GLRA1: variants seen among roughly 807,000 people sequenced by gnomAD.
The protein encoded by GLRA1 is glycine receptor alpha 1.
Under a neutral mutation model 48.3 loss-of-function variants are expected in GLRA1, and 37 were observed. That is an observed-to-expected ratio of 0.77 (90% CI 0.59 to 1.01). GLRA1 has a LOEUF of 1.01. Ranked by LOEUF, GLRA1 falls within the 50% of genes least tolerant of loss-of-function variation. GLRA1 has a pLI of 0.00. For missense variants in GLRA1, 427 were observed against 571.0 expected, an observed-to-expected ratio of 0.75 and a Z score of 2.57; for synonymous variants, 196 against 210.7, an observed-to-expected ratio of 0.93 and a Z score of 0.60.
intron 5 of GLRA1, among the ~76,000 whole-genome samples, chr5:151,855,717 C>T (rs191063892): frequency 3.3e-5 from 5 of 152,198 alleles, no homozygotes; most frequent in Non-Finnish European, 5.9e-5. Flanking sequence ...CCATTAGTTC[C>T]TGTTGCCTAA....
chr5:151,901,021 G>A (rs544866816), intron 1 of GLRA1, among the ~76,000 whole-genome samples: 1 of 152,322 alleles, frequency 6.6e-6, no homozygotes, highest in African/African-American at 2.4e-5. Context: ...GGAGTCCAAA[G>A]AGTCCTAAAC....
At chr5:151,895,653 G>GTA (rs1754210836) in intron 1 of GLRA1, among the ~76,000 whole-genome samples, 1 of 151,708 alleles carries the variant, frequency 6.6e-6, no homozygotes, top group African/African-American at 2.4e-5. Flanking sequence ...GTGTGTGTGT[G>GTA]TGTGTGTTTG....
intron 7 of GLRA1, among the ~76,000 whole-genome samples, chr5:151,841,720 A>G (rs1763715922): frequency 2.6e-5 from 4 of 152,204 alleles, no homozygotes; most frequent in Admixed American, 2.6e-4. Context: ...TAAATTTGAT[A>G]ACCTAAATGA....
intron 4 of GLRA1, among the ~76,000 whole-genome samples, chr5:151,859,197 C>T (rs1475586630): frequency 6.6e-6 from 1 of 152,172 alleles, no homozygotes; most frequent in Non-Finnish European, 1.5e-5. Context: ...TGGTCATTTT[C>T]CTTATGCCTT....
In GLRA1 at chr5:151,822,842, G is replaced by A. The variant is rs62636581; in HGVS notation, c.1181C>T (p.Pro394Leu). 4,381 of 1,614,106 alleles carry A rather than the reference G, an allele frequency of 2.7e-3. 111 individuals carry two copies. In the African/African-American group the frequency reaches 0.053, roughly 19 times the overall value. ...GANNSNTTNP[P>L]PAPSKSPEEM... ...CTCTGGGGACTTAGATGGTGCAGGA[G>A]GGGGGTTGGTGGTGTTACTGTTGTT... The change falls in exon 9 of 9, where the codon CCT (proline) becomes CTT (leucine). Residue 394 changes from proline (P) to leucine (L), a missense_variant. By Grantham distance (98) the Pro-to-Leu change is moderately conservative. Around this residue, in one of 4 missense-constraint regions of GLRA1, gnomAD observed 121 missense variants for 96.5 expected, o/e 1.25. Transcript: ENST00000274576.
intron 1 of GLRA1, among the ~76,000 whole-genome samples, chr5:151,908,247 T>C (rs959015121): frequency 6.6e-6 from 1 of 152,224 alleles, no homozygotes; most frequent in Non-Finnish European, 1.5e-5. Context: ...AGAAAGCTTT[T>C]ATTGTTGGAA....
chr5:151,878,288 G>A (rs1016159987), intron 3 of GLRA1, among the ~76,000 whole-genome samples: 1 of 152,156 alleles, frequency 6.6e-6, no homozygotes, highest in Non-Finnish European at 1.5e-5. Flanking sequence ...ATGATTTAGG[G>A]TTCTGGTGGA....
intron 7 of GLRA1, among the ~76,000 whole-genome samples, chr5:151,837,513 G>A (rs966712705): frequency 2.6e-5 from 4 of 152,292 alleles, no homozygotes; most frequent in Non-Finnish European, 5.9e-5. Context: ...ACATGCACAC[G>A]TATGTTTATT....
chr5:151,833,110 G>A (rs371394663), intron 7 of GLRA1, among the ~76,000 whole-genome samples: 16 of 152,148 alleles, frequency 1.1e-4, no homozygotes, highest in African/African-American at 3.9e-4. Context: ...GAGAGATTTA[G>A]TCTCCACCAG....
At chr5:151,892,505 G>A in intron 1 of GLRA1, 67 bp from the exon 2 acceptor site, 2 of 1,562,350 alleles carry the variant, frequency 1.3e-6, no homozygotes, top group Non-Finnish European at 1.8e-6. Context: ...TCAGATCCCA[G>A]CCTTGTCCAA....
At chr5:151,867,521 A>G (rs1409238752) in intron 3 of GLRA1, among the ~76,000 whole-genome samples, 2 of 152,214 alleles carry the variant, frequency 1.3e-5, no homozygotes, top group Non-Finnish European at 2.9e-5. Flanking sequence ...AGTTTAGCTC[A>G]ACCATTAGCA....
intron 8 of GLRA1, among the ~76,000 whole-genome samples, 200 bp from the exon 9 acceptor site, chr5:151,823,163 CAG>C (rs1297787870): frequency 6.6e-6 from 1 of 152,148 alleles, no homozygotes; most frequent in Non-Finnish European, 1.5e-5. Context: ...CCTGCTGAAA[CAG>C]ATGCAAAACA....
chr5:151,894,483 G>C (rs925083460), intron 1 of GLRA1, among the ~76,000 whole-genome samples: 5 of 152,034 alleles, frequency 3.3e-5, no homozygotes, highest in Non-Finnish European at 7.3e-5. Flanking sequence ...CCCAGATGAC[G>C]TCAATATACT....
rs1310413185 is a variant in GLRA1 at position 151,859,936 on chromosome 5, C to T, written c.325G>A (p.Asp109Asn). Reference sequence around the variant, plus strand: ...ATGGATGGGTCCAGGTCCAGAGAGTCGTCAGGGTATTCATTATAGGCCAGG... The same window carrying T: ...ATGGATGGGTCCAGGTCCAGAGAGTTGTCAGGGTATTCATTATAGGCCAGG... ...PRLAYNEYPD[D>N]SLDLDPSMLD... is the part of the protein sequence containing the mutation. Residue 109 changes from aspartate to asparagine, a missense_variant, in exon 4 of 9, where the codon GAC (aspartate) becomes AAC (asparagine). Around this residue, in one of 4 missense-constraint regions of GLRA1, gnomAD observed 271 missense variants for 434.9 expected, o/e 0.62. Transcript: ENST00000274576. 8 of 1,613,974 alleles carry T rather than the reference C, an allele frequency of 5.0e-6. No homozygotes were observed. Among genetic ancestry groups the T allele is most frequent in the African/African-American group, 2.7e-5 (2 of 74,902 alleles).
At chr5:151,849,367 C>CTTCCTTTCCTTTCCT (rs1554083381) in intron 7 of GLRA1, among the ~76,000 whole-genome samples, 8 of 35,560 alleles carry the variant, frequency 2.2e-4, no homozygotes, top group African/African-American at 4.0e-4. Flanking sequence ...TCCTTCCTTT[C>CTTCCTTTCCTTTCCT]TTCCTTTCGT....
intron 1 of GLRA1, among the ~76,000 whole-genome samples, chr5:151,921,283 G>A (rs772836376): frequency 7.9e-5 from 12 of 152,204 alleles, no homozygotes; most frequent in Non-Finnish European, 1.2e-4. Context: ...AAGGAAGCTA[G>A]ACTTTCCTCC....
intron 7 of GLRA1, among the ~76,000 whole-genome samples, chr5:151,830,845 A>G (rs565420234): frequency 1.4e-4 from 21 of 152,336 alleles, no homozygotes; most frequent in African/African-American, 4.3e-4. Flanking sequence ...AAAATGTCCA[A>G]ACTTGGCTGG....
intron 3 of GLRA1, among the ~76,000 whole-genome samples, chr5:151,877,230 G>T (rs997763910): frequency 3.3e-5 from 5 of 152,238 alleles, no homozygotes; most frequent in African/African-American, 4.8e-5. Context: ...GAAATGCAAT[G>T]CTGAGCTACT....
intron 7 of GLRA1, among the ~76,000 whole-genome samples, chr5:151,833,638 T>A (rs912277266): frequency 6.6e-6 from 1 of 151,878 alleles, no homozygotes; most frequent in African/African-American, 2.4e-5. Flanking sequence ...TAATTTTGTA[T>A]TTTTAGTAGA....
Sources: allele counts gnomAD v4.1 joint callset (sites outside exome capture counted in the v4.1 genomes callset), GRCh38; gene constraint gnomAD v4.1.1; regional missense constraint gnomAD v4.1.1; transcripts MANE v1.5; gene names NCBI Gene and HGNC (gene_info 2026-07-23, HGNC 2026-07-21).